RP1: variants seen among roughly 807,000 people sequenced by gnomAD.
RP1 encodes the protein oxygen-regulated protein 1.
Under a neutral mutation model 14.8 loss-of-function variants are expected in RP1, and 16 were observed. The ratio of observed to expected loss-of-function variants is 1.08; its 90% CI spans 0.73 to 1.65. RP1 has a LOEUF of 1.65. RP1 is among the 40% of genes most tolerant of loss of function. The pLI, the probability that RP1 is intolerant of heterozygous loss-of-function variation, is 0.00. For synonymous variants in RP1, 876 were observed against 883.6 expected, an observed-to-expected ratio of 0.99 and a Z score of 0.15; for missense variants, 2,631 against 2,535.0, an observed-to-expected ratio of 1.04 and a Z score of -0.81.
At chr8:54,679,297 G>C (rs1243805267) in intron 9 of RP1, 1 of 815,804 alleles carries the variant, frequency 1.2e-6, no homozygotes, top group Non-Finnish European at 2.0e-6. Context: ...CTGCCTTTGA[G>C]AGCCAGATAG....
In RP1 at chr8:54,629,468, A is replaced by G. The variant is rs747734198; in HGVS notation, c.5586A>G (p.Arg1862=). ...AGAAGGGTAGTCATCAGTCAGAAAG[A>G]GTATGCACATCTGTCACTCATTCCT... ...TEEKGSHQSE[R]VCTSVTHSFI... Residue 1862 remains arginine (R), a synonymous_variant, in exon 4 of 4, where the codon AGA becomes AGG. Coordinates refer to ENST00000220676, the MANE Select transcript of RP1 (RefSeq NM_006269.2). 3.7e-6 allele frequency: 6 copies of G among 1,614,048 alleles called. No individual in the cohort carries two copies. The African/African-American group carries it at 8.0e-5, about 22-fold the overall frequency.
chr8:54,599,663 C>T (rs1359345802), intron 1 of RP1, among the ~76,000 whole-genome samples: 3 of 152,054 alleles, frequency 2.0e-5, no homozygotes, highest in Middle Eastern at 3.2e-3. Flanking sequence ...TCATGTTGGC[C>T]AGGCTGGTCT....
chr8:54,599,636 G>A (rs564204384), intron 1 of RP1, among the ~76,000 whole-genome samples: 1 of 152,012 alleles, frequency 6.6e-6, no homozygotes, highest in African/African-American at 2.4e-5. Flanking sequence ...GTATTTTTTG[G>A]TAGAGGCGAT....
At chr8:54,761,491 C>G (rs188936639) in intron 22 of RP1, among the ~76,000 whole-genome samples, 2 of 152,204 alleles carry the variant, frequency 1.3e-5, no homozygotes, top group African/African-American at 4.8e-5. Context: ...CTCGCCTTAA[C>G]CTCCCAAACT....
intron 18 of RP1, among the ~76,000 whole-genome samples, chr8:54,735,926 G>C (rs1585647524): frequency 6.6e-6 from 1 of 152,128 alleles, no homozygotes; most frequent in Non-Finnish European, 1.5e-5. Context: ...TGGAATGGAT[G>C]GTATAGATTC....
chr8:54,674,504 C>A (rs1400324723), intron 8 of RP1, among the ~76,000 whole-genome samples: 1 of 121,570 alleles, frequency 8.2e-6, no homozygotes, highest in Non-Finnish European at 1.7e-5. Flanking sequence ...TACTAGAGGA[C>A]ACATACCAAA....
At chr8:54,672,615 C>G (rs1020056108) in intron 7 of RP1, among the ~76,000 whole-genome samples, 1 of 152,042 alleles carries the variant, frequency 6.6e-6, no homozygotes, top group African/African-American at 2.4e-5. Context: ...CCTTCTTTGT[C>G]GATGTTTAAA....
intron 7 of RP1, among the ~76,000 whole-genome samples, chr8:54,672,351 G>A (rs1257065586): frequency 3.3e-5 from 5 of 152,154 alleles, no homozygotes; most frequent in Non-Finnish European, 7.3e-5. Context: ...ACTGTGGGTG[G>A]TTTCCTTCCT....
chr8:54,859,489 C>A lies in RP1; in HGVS notation c.4069+2383C>A, dbSNP rs199558820. On this transcript the variant is annotated intron_variant, in intron 27 of 28. Coordinates refer to the RP1 transcript ENST00000637698. ...GCAGTGTCACTGTGGAGCGTTGTCA[C>A]TATGGAGTGGTATCAGTATAGGAGG... Among the ~76,000 whole-genome samples the A allele has an allele frequency of 9.9e-5, 15 of 151,216 alleles. No homozygotes were observed. The East Asian group carries it at 2.4e-3, about 24-fold the overall frequency.
At chr8:54,843,078 A>G (rs959986051) in intron 25 of RP1, among the ~76,000 whole-genome samples, 3 of 152,144 alleles carry the variant, frequency 2.0e-5, no homozygotes, top group Admixed American at 6.6e-5. Flanking sequence ...TGTGTGAGAC[A>G]GAGTGTTGCC....
At chr8:54,808,118 C>T (rs756153799) in intron 24 of RP1, among the ~76,000 whole-genome samples, 8 of 152,180 alleles carry the variant, frequency 5.3e-5, no homozygotes, top group South Asian at 2.1e-4. Context: ...TTTCAACAAC[C>T]GAATGAACAG....
intron 1 of RP1, among the ~76,000 whole-genome samples, chr8:54,576,429 A>G: frequency 6.6e-6 from 1 of 152,250 alleles, no homozygotes; most frequent in East Asian, 1.9e-4. Context: ...TTGCAGCCAC[A>G]GAAGTACGTG....
At chr8:54,683,204 C>G (rs1318006377) in intron 12 of RP1, among the ~76,000 whole-genome samples, 1 of 152,100 alleles carries the variant, frequency 6.6e-6, no homozygotes, top group Non-Finnish European at 1.5e-5. Context: ...GTTACTGTAG[C>G]CTTATAGCAT....
exon 24 of RP1, chr8:54,783,648 C>T (rs1810244553): frequency 8.1e-7 from 1 of 1,231,422 alleles, no homozygotes; most frequent in South Asian, 4.1e-5. Flanking sequence ...ATGTTCAGGT[C>T]CTATTATTTT....
At chr8:54,605,990 T>A (rs1366252150) in intron 1 of RP1, among the ~76,000 whole-genome samples, 5 of 151,572 alleles carry the variant, frequency 3.3e-5, no homozygotes, top group African/African-American at 1.2e-4. Context: ...TCTTGACTCT[T>A]TATCCAATTT....
chr8:54,705,592 G>A (rs138701528), intron 14 of RP1, among the ~76,000 whole-genome samples: 79 of 152,230 alleles, frequency 5.2e-4, no homozygotes, highest in Middle Eastern at 3.4e-3. Context: ...AGCTCTGCAG[G>A]CAAACAACAA....
At chr8:54,650,169 T>G (rs1053827505) in intron 4 of RP1, among the ~76,000 whole-genome samples, 5 of 152,188 alleles carry the variant, frequency 3.3e-5, no homozygotes, top group African/African-American at 1.2e-4. Flanking sequence ...TATAGTTTGA[T>G]GCTTCTTTTT....
intron 3 of RP1, among the ~76,000 whole-genome samples, chr8:54,623,301 T>A (rs1317140699): frequency 6.6e-6 from 1 of 152,160 alleles, no homozygotes; most frequent in Non-Finnish European, 1.5e-5. Flanking sequence ...CTGCAGGGAA[T>A]CTGAGGGCTT....
Position 54,621,508 on chromosome 8 carries a change from A to G in RP1, c.542A>G (p.Glu181Gly), listed in dbSNP as rs1211076650. 1.9e-6 allele frequency: 3 copies of G among 1,613,994 alleles called. No individual in the cohort carries two copies. The highest frequency in any genetic ancestry group is 2.5e-6 in the Non-Finnish European group (3 of 1,180,038). Reference protein sequence around the residue: ...LLSRRVTQSFEAFLQHLTEVM... With the variant: ...LLSRRVTQSFGAFLQHLTEVM... Reference sequence around the variant, plus strand: ...AGCAGGAGGGTCACCCAGAGCTTCGAGGCATTTCTACAGCACCTGACAGAG... The same window carrying G: ...AGCAGGAGGGTCACCCAGAGCTTCGGGGCATTTCTACAGCACCTGACAGAG... Residue 181 changes from glutamate (E) to glycine (G), a missense_variant, in exon 2 of 4, where the codon GAG becomes GGG. Coordinates refer to ENST00000220676, the MANE Select transcript of RP1 (RefSeq NM_006269.2).
Sources: allele counts gnomAD v4.1 joint callset (sites outside exome capture counted in the v4.1 genomes callset), GRCh38; gene constraint gnomAD v4.1.1; transcripts MANE v1.5; gene names NCBI Gene and HGNC (gene_info 2026-07-23, HGNC 2026-07-21).